NPAS3: variants seen among roughly 807,000 people sequenced by gnomAD.
NPAS3 encodes neuronal PAS domain-containing protein 3.
NPAS3 carries 14 observed loss-of-function variants against 73.1 expected under a neutral mutation model. The observed-to-expected ratio is 0.19, with a 90% CI of 0.13 to 0.30. The LOEUF is 0.30. Among genes scored for constraint, NPAS3 ranks in the 10% least tolerant of loss-of-function variants. The pLI is 1.00. For missense variants in NPAS3, 1,096 were observed against 1,250.0 expected (o/e 0.88, Z 1.86); for synonymous variants, 620 against 541.5 (o/e 1.14, Z -2.01).
intron 2 of NPAS3, among the ~76,000 whole-genome samples, chr14:33,162,838 A>T (rs995068596): frequency 6.6e-6 from 1 of 152,216 alleles, no homozygotes; most frequent in Non-Finnish European, 1.5e-5. Context: ...TTTTTCCTCC[A>T]GACATCATCG....
intron 4 of NPAS3, among the ~76,000 whole-genome samples, chr14:33,528,748 C>T (rs957242694): frequency 6.6e-6 from 1 of 152,002 alleles, no homozygotes; most frequent in African/African-American, 2.4e-5. Flanking sequence ...TTCCACAGAC[C>T]AGAGCAGGGA....
intron 4 of NPAS3, among the ~76,000 whole-genome samples, chr14:33,553,190 T>C (rs2055199544): frequency 6.6e-6 from 1 of 152,208 alleles, no homozygotes; most frequent in Non-Finnish European, 1.5e-5. Flanking sequence ...AAGTAAAGCC[T>C]AAACTAGCAT....
At chr14:33,320,388 T>A (rs1216679098) in intron 3 of NPAS3, among the ~76,000 whole-genome samples, 1 of 152,136 alleles carries the variant, frequency 6.6e-6, no homozygotes, top group Non-Finnish European at 1.5e-5. Flanking sequence ...TGTATACATA[T>A]GTAACAAATC....
intron 5 of NPAS3, among the ~76,000 whole-genome samples, chr14:33,591,848 C>G (rs970174967): frequency 9.2e-5 from 14 of 152,140 alleles, no homozygotes; most frequent in African/African-American, 2.9e-4. Flanking sequence ...AGAATATCCA[C>G]AAGGAGAGAA....
intron 7 of NPAS3, among the ~76,000 whole-genome samples, chr14:33,765,873 C>A (rs1449762454): frequency 6.6e-6 from 1 of 152,070 alleles, no homozygotes; most frequent in African/African-American, 2.4e-5. Flanking sequence ...GATTCCCAGG[C>A]CCCTGTGTCG....
intron 2 of NPAS3, among the ~76,000 whole-genome samples, chr14:33,066,589 A>G (rs2041289043): frequency 6.6e-6 from 1 of 152,180 alleles, no homozygotes; most frequent in East Asian, 1.9e-4. Context: ...TTGTACCACA[A>G]ATACCTTTAT....
At chr14:32,983,057 G>T (rs2139412789) in intron 1 of NPAS3, among the ~76,000 whole-genome samples, 1 of 152,158 alleles carries the variant, frequency 6.6e-6, no homozygotes, top group South Asian at 2.1e-4. Flanking sequence ...AATTAGAGAA[G>T]AAAAACCTAT....
chr14:33,495,641 A>T (rs1412620198), intron 4 of NPAS3, among the ~76,000 whole-genome samples: 1 of 152,074 alleles, frequency 6.6e-6, no homozygotes, highest in Non-Finnish European at 1.5e-5. Flanking sequence ...AACTTGCTTT[A>T]TGAATCTGGG....
chr14:33,549,321 T>G (rs1251213101), intron 4 of NPAS3, among the ~76,000 whole-genome samples: 2 of 152,178 alleles, frequency 1.3e-5, no homozygotes, highest in Non-Finnish European at 2.9e-5. Flanking sequence ...AAACCCTGCC[T>G]TCCAGGTTTA....
At chr14:33,458,081 T>C (rs1442628706) in intron 4 of NPAS3, among the ~76,000 whole-genome samples, 1 of 152,210 alleles carries the variant, frequency 6.6e-6, no homozygotes, top group African/African-American at 2.4e-5. Context: ...TCCAAGAAGA[T>C]TGAATATTGT....
chr14:33,585,234 G>A (rs1047557882), intron 5 of NPAS3, among the ~76,000 whole-genome samples: 11 of 152,102 alleles, frequency 7.2e-5, no homozygotes, highest in Admixed American at 2.0e-4. Flanking sequence ...TGGCCATGGC[G>A]AAACTTAAAA....
intron 2 of NPAS3, among the ~76,000 whole-genome samples, chr14:33,209,825 A>G (rs919547116): frequency 6.6e-6 from 1 of 152,194 alleles, no homozygotes; most frequent in Non-Finnish European, 1.5e-5. Context: ...TCTTTTATGA[A>G]GACTAGATAT....
intron 3 of NPAS3, among the ~76,000 whole-genome samples, chr14:33,355,003 G>C (rs1294733446): frequency 2.6e-5 from 4 of 151,994 alleles, no homozygotes; most frequent in African/African-American, 9.7e-5. Context: ...TAACTTTTCA[G>C]ATGGATGCCG....
chr14:33,171,983 A>G (rs1566636814), intron 2 of NPAS3, among the ~76,000 whole-genome samples: 1 of 152,018 alleles, frequency 6.6e-6, no homozygotes, highest in Non-Finnish European at 1.5e-5. Flanking sequence ...GGAGAGGGAG[A>G]GATGAGAGAG....
intron 2 of NPAS3, among the ~76,000 whole-genome samples, chr14:33,118,819 T>G (rs1279457440): frequency 6.6e-6 from 1 of 151,924 alleles, no homozygotes; most frequent in Non-Finnish European, 1.5e-5. Flanking sequence ...GCAGGTGGCC[T>G]GCGTTTGCCT....
At chr14:33,607,406 C>T (rs911011855) in intron 5 of NPAS3, among the ~76,000 whole-genome samples, 2 of 118,984 alleles carry the variant, frequency 1.7e-5, no homozygotes, top group African/African-American at 6.8e-5. Flanking sequence ...TTAAGCCAAA[C>T]CAAAAAAAAA....
chr14:33,699,170 GT>G, intron 6 of NPAS3, among the ~76,000 whole-genome samples: 1 of 152,268 alleles, frequency 6.6e-6, no homozygotes, highest in East Asian at 1.9e-4. Flanking sequence ...ACATGTGCAT[GT>G]GTTAACTTTC....
intron 3 of NPAS3, among the ~76,000 whole-genome samples, chr14:33,296,146 T>A (rs973943105): frequency 3.9e-5 from 6 of 152,326 alleles, no homozygotes; most frequent in African/African-American, 1.4e-4. Context: ...ATTTTTCAGA[T>A]GCTACTATAC....
chr14:33,549,407 G>C (rs908029674), intron 4 of NPAS3, among the ~76,000 whole-genome samples: 1 of 151,964 alleles, frequency 6.6e-6, no homozygotes, highest in East Asian at 1.9e-4. Flanking sequence ...ACATTTTTTT[G>C]TATTTTTGAT....
Sources: allele counts gnomAD v4.1 joint callset (sites outside exome capture counted in the v4.1 genomes callset), GRCh38; gene constraint gnomAD v4.1.1; transcripts MANE v1.5; gene names NCBI Gene and HGNC (gene_info 2026-07-23, HGNC 2026-07-21).